COX10: variants seen among roughly 807,000 people sequenced by gnomAD.
The protein encoded by COX10 is cytochrome c oxidase assembly factor heme A:farnesyltransferase COX10, also known as protoheme IX farnesyltransferase, mitochondrial.
In COX10, 27 loss-of-function variants were observed where a neutral mutation model predicts 37.3. The ratio of observed to expected loss-of-function variants is 0.72; its 90% CI spans 0.53 to 1.00. The LOEUF (loss-of-function observed/expected upper bound fraction) is 1.00. Ranked by LOEUF, COX10 falls within the 50% of genes least tolerant of loss-of-function variation. COX10 has a pLI of 0.00. For missense variants in COX10, 475 were observed against 563.2 expected, an observed-to-expected ratio of 0.84 and a Z score of 1.59; for synonymous variants, 222 against 229.1, an observed-to-expected ratio of 0.97 and a Z score of 0.28.
At chr17:14,158,192 G>A (rs909589071) in intron 4 of COX10, among the ~76,000 whole-genome samples, 1 of 151,602 alleles carries the variant, frequency 6.6e-6, no homozygotes, top group Non-Finnish European at 1.5e-5. Context: ...ATAAATAATC[G>A]TATTGGAAAA....
intron 3 of COX10, among the ~76,000 whole-genome samples, chr17:14,094,330 C>T (rs925774017): frequency 2.6e-5 from 4 of 150,990 alleles, no homozygotes; most frequent in African/African-American, 9.7e-5. Flanking sequence ...TGGATAGTTA[C>T]ATATAAATAA....
chr17:14,156,857 T>C (rs1905051234), intron 4 of COX10, among the ~76,000 whole-genome samples: 1 of 152,202 alleles, frequency 6.6e-6, no homozygotes, highest in African/African-American at 2.4e-5. Context: ...CATGTGATTA[T>C]AATTAACCGG....
chr17:14,151,100 A>T (rs1427787194), intron 4 of COX10, among the ~76,000 whole-genome samples: 1 of 152,194 alleles, frequency 6.6e-6, no homozygotes, highest in East Asian at 1.9e-4. Context: ...AGCCAGCTGT[A>T]TATAGGTTCT....
rs572788241 is a variant in COX10, at chr17:14,204,746, G to A, written c.929-2064G>A. ...TCACACAGAGGTACACATACACGCA[G>A]GCACACATGCTCAGCACTCTTATAC... On this transcript the variant is annotated intron_variant, in intron 6 of 6. Transcript: ENST00000261643. Among the ~76,000 whole-genome samples the A allele has an allele frequency of 9.9e-5, 15 of 150,920 alleles. No individual in the cohort carries two copies. In the East Asian group the frequency reaches 3.0e-3, roughly 30 times the overall value.
chr17:14,184,356 T>C (rs1316210665), intron 5 of COX10, among the ~76,000 whole-genome samples: 2 of 152,238 alleles, frequency 1.3e-5, no homozygotes, highest in East Asian at 1.9e-4. Context: ...CTACTCAGCA[T>C]GCTTAGTTAT....
intron 4 of COX10, among the ~76,000 whole-genome samples, chr17:14,111,202 T>A (rs936976799): frequency 2.6e-5 from 4 of 152,126 alleles, no homozygotes; most frequent in African/African-American, 9.7e-5. Flanking sequence ...GACCACCCAT[T>A]TCTGTCTTAT....
At chr17:14,206,335 G>A (rs1032496471) in intron 6 of COX10, among the ~76,000 whole-genome samples, 2 of 152,060 alleles carry the variant, frequency 1.3e-5, no homozygotes, top group Non-Finnish European at 2.9e-5. Context: ...GGGTCCCAGC[G>A]GGCGGAAATG....
intron 3 of COX10, among the ~76,000 whole-genome samples, chr17:14,088,618 A>T (rs1383984411): frequency 6.6e-6 from 1 of 152,226 alleles, no homozygotes; most frequent in East Asian, 1.9e-4. Flanking sequence ...CACTCTCAAA[A>T]TATATTGAGA....
Position 14,207,307 on chromosome 17 carries a change from G to T in COX10, c.*94G>T. The T allele has an allele frequency of 7.1e-7, 1 of 1,410,936 alleles. No individual in the cohort carries two copies. Among genetic ancestry groups the T allele is most frequent in the Non-Finnish European group, 9.3e-7 (1 of 1,078,164 alleles). 87.4% of individuals were successfully genotyped at this position (1,410,936 alleles called of 1,614,324 possible). On this transcript the variant is annotated 3_prime_UTR_variant, in exon 7 of 7. Transcript: ENST00000261643. ...ACAAGAAGAGAAATTGCTGGGTTTA[G>T]AACAAGATTATAAACGAATTCGGTG... is the stretch of plus-strand genomic sequence containing the variant.
chr17:14,158,723 T>C (rs1031344786), intron 4 of COX10, among the ~76,000 whole-genome samples: 6 of 152,186 alleles, frequency 3.9e-5, no homozygotes, highest in Non-Finnish European at 8.8e-5. Context: ...CTTTGGGATT[T>C]CTCAGAGATT....
chr17:14,095,845 T>C (rs991174737), intron 3 of COX10, among the ~76,000 whole-genome samples: 3 of 152,200 alleles, frequency 2.0e-5, no homozygotes, highest in African/African-American at 7.2e-5. Context: ...AGTGCTTGCT[T>C]TGCCCTTGTA....
At position 14,101,896 on chromosome 17, in the gene COX10, G is replaced by A. The variant is rs1915790513; in HGVS notation, c.500-222G>A. 6.6e-6 allele frequency among the ~76,000 whole-genome samples: 1 copy of A among 152,086 alleles called. No homozygotes were observed. Among genetic ancestry groups the A allele is most frequent in the Non-Finnish European group, 1.5e-5 (1 of 68,010 alleles). On this transcript the variant is annotated intron_variant, in intron 3 of 6. Coordinates refer to ENST00000261643, the MANE Select transcript of COX10 (RefSeq NM_001303.4). Reference sequence around the variant, plus strand: ...ACTGACCTTATTTTTTTTCTCTTGAGTATGGAATTAAAAGAAAATTAACAT... The same window carrying A: ...ACTGACCTTATTTTTTTTCTCTTGAATATGGAATTAAAAGAAAATTAACAT...
In COX10 at chr17:14,075,711, C is replaced by T. The variant is rs1915128293; in HGVS notation, c.178-1024C>T. Among the ~76,000 whole-genome samples, 3 of 152,106 alleles carry T rather than the reference C, an allele frequency of 2.0e-5. No homozygotes were observed. In the South Asian group the frequency reaches 6.2e-4, roughly 32 times the overall value. ...CCCTGCTATAAAATCATTCAGCCGG[C>T]CAGGCGCTGTGGCTCACACCTGTAA... On this transcript the variant is annotated intron_variant, in intron 2 of 6. Coordinates refer to ENST00000261643, the MANE Select transcript of COX10 (RefSeq NM_001303.4).
intron 2 of COX10, among the ~76,000 whole-genome samples, chr17:14,076,446 A>G (rs374123699): frequency 4.4e-4 from 50 of 113,064 alleles, no homozygotes; most frequent in African/African-American, 1.5e-3. Context: ...TCTGGAGGAG[A>G]TGAATAACAA....
chr17:14,135,096 T>A (rs1230550640), intron 4 of COX10, among the ~76,000 whole-genome samples: 1 of 151,786 alleles, frequency 6.6e-6, no homozygotes. Flanking sequence ...TCTGTTCTAG[T>A]GTAGGCATGA....
intron 2 of COX10, among the ~76,000 whole-genome samples, chr17:14,075,449 T>C (rs1420925257): frequency 6.6e-6 from 1 of 152,204 alleles, no homozygotes; most frequent in Non-Finnish European, 1.5e-5. Flanking sequence ...AGCTGGTTGT[T>C]GGCTGTTGAT....
intron 3 of COX10, among the ~76,000 whole-genome samples, chr17:14,090,371 AGTTTTTGCTTAACT>A (rs1205805935): frequency 2.6e-5 from 4 of 152,196 alleles, no homozygotes; most frequent in Non-Finnish European, 4.4e-5. Context: ...ATACTAAGAA[AGTTTTTGCTTAACT>A]GTTTATTTTG....
intron 4 of COX10, among the ~76,000 whole-genome samples, chr17:14,142,752 A>G (rs980348841): frequency 1.3e-5 from 2 of 152,186 alleles, no homozygotes; most frequent in Non-Finnish European, 2.9e-5. Flanking sequence ...TTGTGTGTAT[A>G]TCAAATCTTT....
chr17:14,163,142 T>C (rs556067019), intron 5 of COX10, among the ~76,000 whole-genome samples: 1 of 152,336 alleles, frequency 6.6e-6, no homozygotes, highest in South Asian at 2.1e-4. Flanking sequence ...ACCACCAGTA[T>C]TGTTTCCACC....
Sources: allele counts gnomAD v4.1 joint callset (sites outside exome capture counted in the v4.1 genomes callset), GRCh38; gene constraint gnomAD v4.1.1; transcripts MANE v1.5; gene names NCBI Gene and HGNC (gene_info 2026-07-23, HGNC 2026-07-21).